ABCC4: variants seen among roughly 807,000 people sequenced by gnomAD.
ABCC4 encodes ATP binding cassette subfamily C member 4 (PEL blood group).
Under a neutral mutation model 168.5 loss-of-function variants are expected in ABCC4, and 102 were observed. The ratio of observed to expected loss-of-function variants is 0.61; its 90% CI spans 0.52 to 0.71. The LOEUF is 0.71. Ranked by LOEUF, ABCC4 falls within the 30% of genes least tolerant of loss-of-function variation. The pLI, the probability that ABCC4 is intolerant of heterozygous loss-of-function variation, is 0.00. For missense variants in ABCC4, 1,402 were observed against 1,605.8 expected (o/e 0.87, Z 2.17); for synonymous variants, 617 against 590.7 (o/e 1.04, Z -0.65).
chr13:95,207,992 C>G, intron 6 of ABCC4, 67 bp from the exon 7 acceptor site: 1 of 1,560,434 alleles, frequency 6.4e-7, no homozygotes, highest in South Asian at 1.2e-5. Flanking sequence ...GCGGCAGGCA[C>G]AGGCAGGGAC....
At chr13:95,093,347 T>G (rs1462325501) in intron 20 of ABCC4, among the ~76,000 whole-genome samples, 10 of 152,110 alleles carry the variant, frequency 6.6e-5, no homozygotes, top group Admixed American at 6.6e-4. Context: ...GCCACCATGA[T>G]CAAGTGGGTT....
intron 21 of ABCC4, among the ~76,000 whole-genome samples, chr13:95,079,146 T>C (rs946971207): frequency 2.0e-5 from 3 of 152,186 alleles, no homozygotes; most frequent in Non-Finnish European, 4.4e-5. Flanking sequence ...CTGGGAGGTC[T>C]GCAAAGACAA....
intron 1 of ABCC4, among the ~76,000 whole-genome samples, chr13:95,279,428 G>A (rs891108200): frequency 3.9e-5 from 6 of 152,196 alleles, no homozygotes; most frequent in African/African-American, 1.4e-4. Context: ...CTGTGGCAGA[G>A]TGTTTGCAAA....
chr13:95,049,326 T>A (rs2032726211), intron 27 of ABCC4, among the ~76,000 whole-genome samples: 1 of 145,154 alleles, frequency 6.9e-6, no homozygotes, highest in African/African-American at 2.6e-5. Context: ...AGAGCAAGAC[T>A]CTGTCTAAAA....
In ABCC4 at chr13:95,163,161, C is replaced by T. The variant is rs3765534; in HGVS notation, c.2269G>A (p.Glu757Lys). 26,427 of 1,613,114 alleles carry T rather than the reference C, an allele frequency of 0.016. 627 individuals carry two copies. The highest frequency in any genetic ancestry group is 0.11 in the East Asian group (4,841 of 44,820). The change falls in exon 18 of 31, where the codon GAG becomes AAG. Residue 757 changes from glutamate to lysine, a missense_variant. By Grantham distance (56) the Glu-to-Lys change is moderately conservative. Transcript: ENST00000645237. ...AAGTACCAGTTAAGATCTAGCTTCTCGGTTACATTTCCTCCTCCATTTACA... is the reference window on the plus strand; with the variant it reads ...AAGTACCAGTTAAGATCTAGCTTCTTGGTTACATTTCCTCCTCCATTTACA... ...VTVNGGGNVTEKLDLNWYLGI... is the reference protein window; with the variant it reads ...VTVNGGGNVTKKLDLNWYLGI...
At chr13:95,284,265 C>T (rs995357697) in intron 1 of ABCC4, among the ~76,000 whole-genome samples, 1 of 152,154 alleles carries the variant, frequency 6.6e-6, no homozygotes, top group African/African-American at 2.4e-5. Flanking sequence ...TGTGTCACTG[C>T]AGCCACAACC....
intron 29 of ABCC4, among the ~76,000 whole-genome samples, chr13:95,036,876 G>A (rs972037789): frequency 6.6e-6 from 1 of 152,036 alleles, no homozygotes; most frequent in Non-Finnish European, 1.5e-5. Context: ...TTGAGGCCAG[G>A]AGTTTGAAAC....
chr13:95,025,236 TACACACACACCCACACAC>T (rs2031387995), intron 30 of ABCC4, among the ~76,000 whole-genome samples: 2 of 6,404 alleles, frequency 3.1e-4, no homozygotes, highest in African/African-American at 1.4e-3. Context: ...CACACACCCA[TACACACACACCCACACAC>T]ACACACACCC....
chr13:95,070,928 C>A (rs1424515862), intron 25 of ABCC4, among the ~76,000 whole-genome samples: 1 of 152,082 alleles, frequency 6.6e-6, no homozygotes, highest in African/African-American at 2.4e-5. Flanking sequence ...GTGTCCCCAC[C>A]CAAATCTCAT....
intron 20 of ABCC4, among the ~76,000 whole-genome samples, chr13:95,094,085 G>A (rs1329187718): frequency 1.3e-5 from 2 of 152,030 alleles, no homozygotes; most frequent in Non-Finnish European, 2.9e-5. Context: ...AATCAATATT[G>A]TGAAAATGAC....
intron 25 of ABCC4, among the ~76,000 whole-genome samples, chr13:95,065,088 C>G (rs2033482740): frequency 6.6e-6 from 1 of 152,174 alleles, no homozygotes; most frequent in Non-Finnish European, 1.5e-5. Context: ...AGCCCCCCTC[C>G]AAACAGCTGC....
At chr13:95,257,083 C>T (rs1157611467) in intron 1 of ABCC4, among the ~76,000 whole-genome samples, 2 of 152,232 alleles carry the variant, frequency 1.3e-5, no homozygotes, top group Admixed American at 6.5e-5. Context: ...CTCCCCAAAA[C>T]CTTAACTAGT....
At chr13:95,232,329 G>A (rs932193038) in intron 4 of ABCC4, among the ~76,000 whole-genome samples, 1 of 152,176 alleles carries the variant, frequency 6.6e-6, no homozygotes, top group Non-Finnish European at 1.5e-5. Context: ...AAGACTTGGG[G>A]AGGACACCTT....
chr13:95,208,944 G>A (rs549205054), intron 6 of ABCC4, among the ~76,000 whole-genome samples: 29 of 152,108 alleles, frequency 1.9e-4, no homozygotes, highest in Non-Finnish European at 4.3e-4. Context: ...TAACACATAT[G>A]CTACTAGGAC....
In ABCC4 at chr13:95,029,172, A is replaced by ATCTATATCTATATC. The variant is rs778904308; in HGVS notation, c.3870+5432_3870+5433insGATATAGATATAGA. Among the ~76,000 whole-genome samples the ATCTATATCTATATC allele has an allele frequency of 2.0e-3, 119 of 60,766 alleles. 8 individuals are homozygous for ATCTATATCTATATC. Among genetic ancestry groups the ATCTATATCTATATC allele is most frequent in the African/African-American group, 6.6e-3 (97 of 14,802 alleles). 39.9% of individuals were successfully genotyped at this position (60,766 alleles called of 152,430 possible). On this transcript the variant is annotated intron_variant, in intron 30 of 30. Coordinates refer to ENST00000645237, the MANE Select transcript of ABCC4 (RefSeq NM_005845.5). ...AAACTGCTTTAAAAAAAATACATAT[A>ATCTATATCTATATC]TATATATATATATATATATATATAT...
At position 95,074,344 on chromosome 13, in the gene ABCC4, T is replaced by A. The variant is rs771058406; in HGVS notation, c.2807-20A>T. The A allele has an allele frequency of 1.4e-5, 22 of 1,573,212 alleles. No homozygotes were observed. The highest frequency in any genetic ancestry group is 5.7e-5 in the South Asian group (5 of 88,444). On this transcript the variant is annotated intron_variant, in intron 22 of 30. Transcript: ENST00000645237. ...AAGCCTCTGAATTTGAGAACGGTAA[T>A]AAGCATGATGAATAAGTAGATGAAT...
chr13:95,075,552 C>G lies in ABCC4; in HGVS notation c.2687-1G>C. On this transcript the variant is annotated splice_acceptor_variant, in intron 21 of 30. Transcript: ENST00000645237. LOFTEE classifies it high-confidence loss of function. ...AAGTGGGAAAACACTGGACTCCGAG[C>G]TGGGGAAACAGACAGAGAAAACAGC... 2.5e-6 allele frequency: 4 copies of G among 1,614,036 alleles called. No homozygotes were observed. The highest frequency in any genetic ancestry group is 3.4e-6 in the Non-Finnish European group (4 of 1,179,968).
chr13:95,218,209 G>A (rs1380087711), intron 4 of ABCC4, among the ~76,000 whole-genome samples: 1 of 152,170 alleles, frequency 6.6e-6, no homozygotes, highest in Non-Finnish European at 1.5e-5. Context: ...ATCACTTGAA[G>A]CAGAAAATTG....
chr13:95,181,618 C>T (rs1343900617), intron 11 of ABCC4, among the ~76,000 whole-genome samples: 2 of 152,216 alleles, frequency 1.3e-5, no homozygotes, highest in East Asian at 1.9e-4. Flanking sequence ...GAGCTATGCA[C>T]CAACCACTGT....
Sources: gnomAD v4.1 joint callset for allele counts (sites outside exome capture counted in the v4.1 genomes callset) on GRCh38, gnomAD v4.1.1 for gene constraint, MANE v1.5 for transcripts, NCBI Gene and HGNC (gene_info 2026-07-23, HGNC 2026-07-21) for gene names.